The following AMOTL1 variants were observed in gnomAD, a reference collection of about 807,000 sequenced individuals.
The protein encoded by AMOTL1 is angiomotin-like protein 1.
Under a neutral mutation model 102.9 loss-of-function variants are expected in AMOTL1, and 45 were observed. The observed-to-expected ratio is 0.44, with a 90% CI of 0.34 to 0.56. AMOTL1 has a LOEUF of 0.56. AMOTL1 is among the 20% of genes least tolerant of loss of function. AMOTL1 has a pLI of 0.01. For synonymous variants in AMOTL1, 481 were observed against 484.7 expected (o/e 0.99, Z 0.10); for missense variants, 1,114 against 1,225.6 (o/e 0.91, Z 1.36).
At chr11:94,733,974 ATACTT>A (rs773111132) in intron 2 of AMOTL1, among the ~76,000 whole-genome samples, 3 of 152,226 alleles carry the variant, frequency 2.0e-5, no homozygotes, top group African/African-American at 7.2e-5. Flanking sequence ...TCTCTGGACT[ATACTT>A]GGTAACAGGA....
chr11:94,759,800 T>C (rs1950769957), intron 3 of AMOTL1, among the ~76,000 whole-genome samples: 1 of 152,240 alleles, frequency 6.6e-6, no homozygotes. Context: ...CAGTTCAACA[T>C]AGAAAACTGG....
rs1377966690 is a variant in AMOTL1, at chr11:94,871,617, T to C, written c.*822T>C. ...TCCTACTGTGTTTGATAGTGACCAG[T>C]AGGACAAAGCCACGTGCCGACTTCC... On this transcript the variant is annotated 3_prime_UTR_variant, in exon 13 of 13. Coordinates refer to ENST00000433060, the MANE Select transcript of AMOTL1 (RefSeq NM_130847.3). The C allele has an allele frequency of 6.6e-6, 1 of 152,238 alleles. No individual in the cohort carries two copies. Among genetic ancestry groups the C allele is most frequent in the Non-Finnish European group, 1.5e-5 (1 of 68,046 alleles). The allele number at this position is 152,238 out of a possible 1,614,324, so 9.4% of individuals were successfully genotyped here. A position where few individuals can be genotyped will look rare whatever the true frequency, so the allele number is the denominator to read the frequency against.
At chr11:94,850,505 C>A (rs1952512896) in intron 7 of AMOTL1, among the ~76,000 whole-genome samples, 1 of 152,216 alleles carries the variant, frequency 6.6e-6, no homozygotes, top group South Asian at 2.1e-4. Flanking sequence ...GGTGTGAAGC[C>A]CAGCCTACAG....
rs1953062612 is a variant in AMOTL1, at chr11:94,874,533, A to C, written c.*3738A>C. On this transcript the variant is annotated 3_prime_UTR_variant, in exon 13 of 13. Transcript: ENST00000433060. ...GCATGGATACCAAAACAGTTGCAAC[A>C]AATTAGTTCTGAACCTGGAACAGAG... 6.6e-6 allele frequency: 1 copy of C among 152,246 alleles called. No individual in the cohort carries two copies. The highest frequency in any genetic ancestry group is 2.4e-5 in the African/African-American group (1 of 41,448). 9.4% of individuals were successfully genotyped at this position (152,246 alleles called of 1,614,324 possible). A position where few individuals can be genotyped will look rare whatever the true frequency, so the allele number is the denominator to read the frequency against.
At chr11:94,770,918 C>G (rs902895957) in intron 1 of AMOTL1, among the ~76,000 whole-genome samples, 12 of 151,996 alleles carry the variant, frequency 7.9e-5, no homozygotes, top group Non-Finnish European at 1.3e-4. Flanking sequence ...ATGTCTACCC[C>G]TAAGGAAAAG....
intron 3 of AMOTL1, among the ~76,000 whole-genome samples, chr11:94,743,381 G>A (rs1199085826): frequency 6.6e-6 from 1 of 152,196 alleles, no homozygotes; most frequent in African/African-American, 2.4e-5. Context: ...TTCTCTCCAT[G>A]ACAGGGCAGC....
At position 94,782,189 on chromosome 11, in the gene AMOTL1, T is replaced by A. The variant is rs565369402; in HGVS notation, c.50-12822T>A. Among the ~76,000 whole-genome samples, 38 of 152,364 alleles carry A rather than the reference T, an allele frequency of 2.5e-4. 1 individual carries two copies. The South Asian group carries it at 7.5e-3, about 30-fold the overall frequency. ...ACTTGAAAGAACAACTGACAAACTG[T>A]GGTTATTCTGGCTTGGGCATTTGGT... On this transcript the variant is annotated intron_variant, in intron 1 of 12. Transcript: ENST00000433060.
intron 2 of AMOTL1, among the ~76,000 whole-genome samples, chr11:94,736,304 T>A (rs947044180): frequency 2.0e-5 from 3 of 152,172 alleles, no homozygotes; most frequent in Admixed American, 2.0e-4. Flanking sequence ...CAGGCTGGAG[T>A]GCAATGGCAC....
chr11:94,791,198 A>G (rs1951280087), intron 1 of AMOTL1, among the ~76,000 whole-genome samples: 1 of 152,224 alleles, frequency 6.6e-6, no homozygotes, highest in African/African-American at 2.4e-5. Flanking sequence ...TGTTAAGAAA[A>G]AGGAGCCATT....
chr11:94,723,139 G>C (rs1197113190), intron 1 of AMOTL1, among the ~76,000 whole-genome samples: 1 of 152,076 alleles, frequency 6.6e-6, no homozygotes, highest in Non-Finnish European at 1.5e-5. Flanking sequence ...CATCCAACAA[G>C]AATTACCTGA....
intron 1 of AMOTL1, among the ~76,000 whole-genome samples, chr11:94,709,879 G>A (rs1949994591): frequency 6.6e-6 from 1 of 152,140 alleles, no homozygotes; most frequent in African/African-American, 2.4e-5. Flanking sequence ...CCCTGAGATG[G>A]TGTCAGAAAT....
intron 3 of AMOTL1, among the ~76,000 whole-genome samples, chr11:94,742,257 C>T (rs1950537863): frequency 6.6e-6 from 1 of 152,216 alleles, no homozygotes; most frequent in African/African-American, 2.4e-5. Flanking sequence ...TAAACCATAG[C>T]TTTTCATGAT....
At chr11:94,735,883 CA>C (rs1950433239) in intron 2 of AMOTL1, among the ~76,000 whole-genome samples, 1 of 152,096 alleles carries the variant, frequency 6.6e-6, no homozygotes, top group African/African-American at 2.4e-5. Flanking sequence ...AAAATTAAAA[CA>C]TTTACAATAA....
intron 1 of AMOTL1, among the ~76,000 whole-genome samples, chr11:94,706,768 A>T (rs1038938227): frequency 6.6e-6 from 1 of 152,174 alleles, no homozygotes; most frequent in Non-Finnish European, 1.5e-5. Flanking sequence ...GTGGCAGACC[A>T]TGGCTAGGCG....
intron 2 of AMOTL1, among the ~76,000 whole-genome samples, chr11:94,734,059 C>T (rs142355107): frequency 2.6e-5 from 4 of 152,306 alleles, no homozygotes; most frequent in African/African-American, 9.6e-5. Flanking sequence ...AAACACCTTG[C>T]TTTTGTTGAT....
intron 10 of AMOTL1, among the ~76,000 whole-genome samples, chr11:94,865,636 G>A (rs989700981): frequency 6.6e-6 from 1 of 151,980 alleles, no homozygotes; most frequent in Non-Finnish European, 1.5e-5. Flanking sequence ...GGCCCCCACC[G>A]CCAATGCTAG....
intron 2 of AMOTL1, among the ~76,000 whole-genome samples, chr11:94,731,880 T>C (rs1417047103): frequency 1.3e-5 from 2 of 152,138 alleles, no homozygotes; most frequent in Non-Finnish European, 2.9e-5. Context: ...TTTACAAACT[T>C]GTATTGCTGG....
chr11:94,803,350 G>A (rs911781539), intron 3 of AMOTL1, among the ~76,000 whole-genome samples: 1 of 152,216 alleles, frequency 6.6e-6, no homozygotes, highest in Non-Finnish European at 1.5e-5. Flanking sequence ...GGAACCCTCT[G>A]GGAGATGAGG....
At chr11:94,808,664 C>G (rs1344816564) in intron 3 of AMOTL1, among the ~76,000 whole-genome samples, 2 of 152,176 alleles carry the variant, frequency 1.3e-5, no homozygotes, top group Non-Finnish European at 2.9e-5. Flanking sequence ...AACTGGCTCT[C>G]CAGAACCAGG....
Sources: gnomAD v4.1 joint callset for allele counts (sites outside exome capture counted in the v4.1 genomes callset) on GRCh38, gnomAD v4.1.1 for gene constraint, MANE v1.5 for transcripts, NCBI Gene and HGNC (gene_info 2026-07-23, HGNC 2026-07-21) for gene names.